The following DNMT1 variants were observed in gnomAD, a reference collection of about 807,000 sequenced individuals.
The protein encoded by DNMT1 is DNA methyltransferase 1, also known as DNA (cytosine-5)-methyltransferase 1.
In DNMT1, 24 loss-of-function variants were observed where a neutral mutation model predicts 205.3. The observed-to-expected ratio is 0.12, with a 90% confidence interval of 0.08 to 0.16. The LOEUF (loss-of-function observed/expected upper bound fraction) is 0.16, where lower values mean the gene tolerates loss of function less well. DNMT1 is among the 10% of genes least tolerant of loss of function. The pLI, the probability that DNMT1 is intolerant of heterozygous loss-of-function variation, is 1.00. For missense variants in DNMT1, 1,293 were observed against 2,177.7 expected, an observed-to-expected ratio of 0.59 and a Z score of 8.09; for synonymous variants, 817 against 839.8, an observed-to-expected ratio of 0.97 and a Z score of 0.47.
intron 26 of DNMT1, 59 bp from the exon 27 acceptor site, chr19:10,149,076 C>G: frequency 1.2e-6 from 2 of 1,605,840 alleles, no homozygotes; most frequent in Non-Finnish European, 1.7e-6. Flanking sequence ...GTATTCCCAG[C>G]ACTATGGGAG....
chr19:10,175,487 C>A, intron 7 of DNMT1, 53 bp downstream of exon 7: 2 of 1,604,128 alleles, frequency 1.2e-6, no homozygotes, highest in Non-Finnish European at 1.7e-6. Context: ...AAGTCACAAT[C>A]ATCAAATACA....
At position 10,177,159 on chromosome 19, in the gene DNMT1, G is replaced by C. The variant is rs558559026; in HGVS notation, c.569+133C>G. ...GTTTTCAGAAATGCTATTCATAAATGTCTAGAGAACAGAACCGCAAGATGA... is the reference window on the plus strand; with the variant it reads ...GTTTTCAGAAATGCTATTCATAAATCTCTAGAGAACAGAACCGCAAGATGA... On this transcript the variant is annotated intron_variant, in intron 6 of 40. Coordinates refer to ENST00000359526, the MANE Select transcript of DNMT1 (RefSeq NM_001130823.3). The C allele has an allele frequency of 6.3e-5, 50 of 789,596 alleles. No individual in the cohort carries two copies. In the African/African-American group the frequency reaches 6.6e-4, roughly 10 times the overall value. 48.9% of individuals were successfully genotyped at this position (789,596 alleles called of 1,614,324 possible).
intron 27 of DNMT1, among the ~76,000 whole-genome samples, chr19:10,148,671 T>A (rs1196431078): frequency 6.6e-6 from 1 of 152,112 alleles, no homozygotes; most frequent in Non-Finnish European, 1.5e-5. Context: ...GGGAACCCTC[T>A]TACAAAGACA....
chr19:10,186,142 G>T (rs1202947771), intron 1 of DNMT1, among the ~76,000 whole-genome samples: 1 of 152,218 alleles, frequency 6.6e-6, no homozygotes, highest in Non-Finnish European at 1.5e-5. Context: ...AGGTTCAACT[G>T]ATTGCGGAGA....
chr19:10,143,058 C>T (rs376215225), intron 29 of DNMT1, among the ~76,000 whole-genome samples: 2 of 152,252 alleles, frequency 1.3e-5, no homozygotes, highest in South Asian at 2.1e-4. Context: ...GCAAGTTACT[C>T]GGGTCTTAGA....
chr19:10,170,356 C>T (rs898401141), intron 9 of DNMT1, among the ~76,000 whole-genome samples: 11 of 151,720 alleles, frequency 7.3e-5, no homozygotes, highest in African/African-American at 2.2e-4. Flanking sequence ...TATTGTACAG[C>T]GGCCGGATGC....
intron 1 of DNMT1, among the ~76,000 whole-genome samples, chr19:10,193,747 G>C (rs914054776): frequency 9.2e-5 from 14 of 151,820 alleles, no homozygotes; most frequent in African/African-American, 3.4e-4. Flanking sequence ...AATCAGAACC[G>C]GACTGGCCCA....
In DNMT1 at chr19:10,162,924, G is replaced by T. The variant is rs547363502; in HGVS notation, c.927-176C>A. ...AGACGAGGCCTTCAGAGGCCCCAGG[G>T]TCCCCACACATCTACATCACCACAG... is the stretch of plus-strand genomic sequence containing the variant. On this transcript the variant is annotated intron_variant, in intron 12 of 40. Coordinates refer to ENST00000359526, the MANE Select transcript of DNMT1 (RefSeq NM_001130823.3). The T allele has an allele frequency of 4.6e-5, 31 of 673,764 alleles. No individual in the cohort carries two copies. In the Admixed American group the frequency reaches 8.0e-4, roughly 17 times the overall value. 41.7% of individuals were successfully genotyped at this position (673,764 alleles called of 1,614,324 possible). A position where few individuals can be genotyped will look rare whatever the true frequency, so the allele number is the denominator to read the frequency against.
intron 5 of DNMT1, 40 bp from the exon 6 acceptor site, chr19:10,177,407 G>C (rs1266637215): frequency 6.4e-7 from 1 of 1,551,028 alleles, no homozygotes; most frequent in Non-Finnish European, 8.8e-7. Flanking sequence ...AAAAAAAAAA[G>C]CCACTATCAA....
At chr19:10,179,355 T>C (rs2038996925) in intron 5 of DNMT1, among the ~76,000 whole-genome samples, 1 of 151,828 alleles carries the variant, frequency 6.6e-6, no homozygotes, top group Non-Finnish European at 1.5e-5. Context: ...CTTACTCTTG[T>C]TGCCCAGGCT....
intron 11 of DNMT1, 61 bp downstream of exon 11, chr19:10,166,537 G>A (rs1342075513): frequency 3.6e-5 from 57 of 1,604,492 alleles, no homozygotes; most frequent in East Asian, 1.8e-4. Flanking sequence ...GCGCACTCCC[G>A]CCCAAGCAAA....
At position 10,173,805 on chromosome 19, in the gene DNMT1, A is replaced by G. The variant is rs374521273; in HGVS notation, c.683+66T>C. On this transcript the variant is annotated intron_variant, in intron 8 of 40. Transcript: ENST00000359526. ...CCGTGCCCGGCCTTAAACTTTCTGA[A>G]AAAGTTTTGTGATCAAGATTACACA... The G allele has an allele frequency of 7.1e-5, 112 of 1,587,740 alleles. No homozygotes were observed. The African/African-American group carries it at 1.4e-3, about 19-fold the overall frequency.
In DNMT1 at chr19:10,175,650, G is replaced by C. The variant is rs1400792853; in HGVS notation, c.570-32C>G. ...CACACAGTGAGGCCAACCATTAGTG[G>C]AACAAGACCCTAGGCCTCCAGCTGG... On this transcript the variant is annotated intron_variant, in intron 6 of 40. Coordinates refer to ENST00000359526, the MANE Select transcript of DNMT1 (RefSeq NM_001130823.3). 1.9e-6 allele frequency: 3 copies of C among 1,611,294 alleles called. No homozygotes were observed. The South Asian group carries it at 3.3e-5, about 18-fold the overall frequency.
chr19:10,189,274 C>T (rs1008975595), intron 1 of DNMT1, among the ~76,000 whole-genome samples: 1 of 152,158 alleles, frequency 6.6e-6, no homozygotes, highest in Non-Finnish European at 1.5e-5. Flanking sequence ...CGTGTGCCAC[C>T]ATGCCTGGCT....
chr19:10,172,832 T>TA (rs1555694316), intron 9 of DNMT1, among the ~76,000 whole-genome samples: 9 of 151,934 alleles, frequency 5.9e-5, no homozygotes, highest in East Asian at 3.9e-4. Context: ...AATAAATAAA[T>TA]AAATAAAATA....
intron 11 of DNMT1, among the ~76,000 whole-genome samples, chr19:10,166,015 C>T (rs2038685119): frequency 6.6e-6 from 1 of 152,060 alleles, no homozygotes; most frequent in African/African-American, 2.4e-5. Flanking sequence ...TTGGGGTCTT[C>T]GGCATCTCTT....
chr19:10,194,667 C>T, intron 1 of DNMT1, 153 bp downstream of exon 1: 2 of 1,109,694 alleles, frequency 1.8e-6, no homozygotes, highest in Non-Finnish European at 2.4e-6. Context: ...GAAGTGCCAC[C>T]CTGCCCGCGC....
Position 10,136,247 on chromosome 19 carries a change from G to T in DNMT1, c.4530C>A (p.Thr1510=). Residue 1510 remains threonine, a synonymous_variant, in exon 38 of 41, where the codon ACC becomes ACA. Coordinates refer to ENST00000359526, the MANE Select transcript of DNMT1 (RefSeq NM_001130823.3). Reference sequence around the variant, plus strand: ...TGTGGGGCAGGCACCAGGGGATGAGGGTGTTGAACTGCCTGGCTGCGGGGT... The same window carrying T: ...TGTGGGGCAGGCACCAGGGGATGAGTGTGTTGAACTGCCTGGCTGCGGGGT... ...ACDPAARQFN[T]LIPWCLPHTG... is the part of the protein sequence containing the mutation. The T allele has an allele frequency of 6.2e-7, 1 of 1,614,140 alleles. No individual in the cohort carries two copies. Among genetic ancestry groups the T allele is most frequent in the Admixed American group, 1.7e-5 (1 of 60,026 alleles).
chr19:10,168,273 C>T (rs2038734702), intron 10 of DNMT1, 57 bp downstream of exon 10: 2 of 1,602,108 alleles, frequency 1.2e-6, no homozygotes, highest in African/African-American at 1.3e-5. Context: ...TACCAAGATA[C>T]TTATGTTAGC....
Sources: allele counts gnomAD v4.1 joint callset (sites outside exome capture counted in the v4.1 genomes callset), GRCh38; gene constraint gnomAD v4.1.1; transcripts MANE v1.5; gene names NCBI Gene and HGNC (gene_info 2026-07-23, HGNC 2026-07-21).